CNTNAP2: variants seen among roughly 807,000 people sequenced by gnomAD.
CNTNAP2 encodes contactin-associated protein-like 2.
A neutral mutation model predicts 155.2 loss-of-function variants in CNTNAP2; 98 were observed. The observed-to-expected ratio is 0.63, with a 90% confidence interval of 0.54 to 0.75. CNTNAP2 has a LOEUF of 0.75. CNTNAP2 is among the 30% of genes least tolerant of loss of function. The pLI, the probability that CNTNAP2 is intolerant of heterozygous loss-of-function variation, is 0.00. For synonymous variants in CNTNAP2, 651 were observed against 631.2 expected, an observed-to-expected ratio of 1.03 and a Z score of -0.47; for missense variants, 1,727 against 1,688.1, an observed-to-expected ratio of 1.02 and a Z score of -0.40.
intron 13 of CNTNAP2, among the ~76,000 whole-genome samples, chr7:147,788,909 T>TC (rs1315067775): frequency 7.9e-6 from 1 of 126,430 alleles, no homozygotes; most frequent in African/African-American, 2.7e-5. Context: ...TCTTTTTTTT[T>TC]TTTTTTTTTT....
intron 1 of CNTNAP2, among the ~76,000 whole-genome samples, chr7:146,554,207 T>G (rs1044709136): frequency 2.6e-5 from 4 of 152,120 alleles, no homozygotes; most frequent in African/African-American, 7.2e-5. Flanking sequence ...GGCATATAGC[T>G]CTGCCAGTGC....
At chr7:146,167,508 A>T (rs902670832) in intron 1 of CNTNAP2, among the ~76,000 whole-genome samples, 1 of 152,216 alleles carries the variant, frequency 6.6e-6, no homozygotes, top group Non-Finnish European at 1.5e-5. Flanking sequence ...AGCAGAAAGG[A>T]TGAAGAGGAC....
chr7:147,565,464 C>A (rs937389079), intron 12 of CNTNAP2, among the ~76,000 whole-genome samples: 1 of 152,174 alleles, frequency 6.6e-6, no homozygotes, highest in Non-Finnish European at 1.5e-5. Context: ...ATTCATACAT[C>A]TACCACTTGG....
intron 2 of CNTNAP2, among the ~76,000 whole-genome samples, chr7:146,819,504 G>C (rs951385148): frequency 5.9e-5 from 9 of 151,846 alleles, no homozygotes; most frequent in African/African-American, 2.2e-4. Context: ...CCTCTAAATA[G>C]TTATTAGACA....
intron 1 of CNTNAP2, among the ~76,000 whole-genome samples, chr7:146,385,449 T>C (rs1482993552): frequency 6.6e-6 from 1 of 152,202 alleles, no homozygotes; most frequent in Non-Finnish European, 1.5e-5. Context: ...AAGTGACATA[T>C]ATGAATGTTT....
At chr7:148,132,845 T>G (rs1035961595) in intron 16 of CNTNAP2, among the ~76,000 whole-genome samples, 3 of 152,194 alleles carry the variant, frequency 2.0e-5, no homozygotes, top group Admixed American at 6.5e-5. Context: ...CCACGTGGCT[T>G]CCAGCCACTT....
At chr7:148,305,391 C>A (rs1797473627) in intron 21 of CNTNAP2, among the ~76,000 whole-genome samples, 1 of 152,064 alleles carries the variant, frequency 6.6e-6, no homozygotes. Context: ...CATATTGCAG[C>A]CAATATAAGA....
chr7:147,356,817 G>C (rs1796070924), intron 9 of CNTNAP2, among the ~76,000 whole-genome samples: 1 of 152,090 alleles, frequency 6.6e-6, no homozygotes, highest in Non-Finnish European at 1.5e-5. Flanking sequence ...GAAGGTCGCT[G>C]TATGGCCTCT....
At chr7:147,552,052 C>A (rs1799862928) in intron 11 of CNTNAP2, among the ~76,000 whole-genome samples, 1 of 152,064 alleles carries the variant, frequency 6.6e-6, no homozygotes, top group Admixed American at 6.6e-5. Flanking sequence ...ATTTAAGTGG[C>A]AAATAATCCA....
At chr7:147,553,725 C>T (rs931597063) in intron 11 of CNTNAP2, among the ~76,000 whole-genome samples, 1 of 152,016 alleles carries the variant, frequency 6.6e-6, no homozygotes, top group Admixed American at 6.6e-5. Flanking sequence ...TGGTGGTTTG[C>T]GCCTGTAATC....
chr7:147,043,151 A>G (rs1386893885), intron 3 of CNTNAP2, among the ~76,000 whole-genome samples: 1 of 152,116 alleles, frequency 6.6e-6, no homozygotes. Flanking sequence ...ACATCCTTGA[A>G]TATCCCATAT....
chr7:147,978,332 G>A (rs1801466116), intron 15 of CNTNAP2: 2 of 344,402 alleles, frequency 5.8e-6, no homozygotes, highest in Non-Finnish European at 1.1e-5. Flanking sequence ...ATGCCATTAG[G>A]ATGACTATTT....
At chr7:147,547,541 A>T (rs765977208) in intron 11 of CNTNAP2, among the ~76,000 whole-genome samples, 1 of 150,772 alleles carries the variant, frequency 6.6e-6, no homozygotes, top group Non-Finnish European at 1.5e-5. Flanking sequence ...AACAGTAGTA[A>T]CTCCTTTCTT....
intron 2 of CNTNAP2, among the ~76,000 whole-genome samples, chr7:146,834,701 A>G (rs946685638): frequency 6.6e-6 from 1 of 152,200 alleles, no homozygotes; most frequent in Non-Finnish European, 1.5e-5. Context: ...TGTTCTTCTT[A>G]GGAACTAAGA....
At chr7:146,352,750 G>GTTGTTTTTTTTTT (rs1554421455) in intron 1 of CNTNAP2, among the ~76,000 whole-genome samples, 4 of 64,312 alleles carry the variant, frequency 6.2e-5, no homozygotes, top group African/African-American at 2.6e-4. Flanking sequence ...GCATAATTCT[G>GTTGTTTTTTTTTT]TTTTTTTTTT....
At chr7:147,712,008 T>G (rs1021599783) in intron 13 of CNTNAP2, among the ~76,000 whole-genome samples, 3 of 152,182 alleles carry the variant, frequency 2.0e-5, no homozygotes, top group African/African-American at 7.2e-5. Context: ...TCTGGCTCTA[T>G]CCTCTTTCTC....
chr7:147,655,593 T>A (rs183810145), intron 13 of CNTNAP2, among the ~76,000 whole-genome samples: 1 of 152,196 alleles, frequency 6.6e-6, no homozygotes, highest in African/African-American at 2.4e-5. Flanking sequence ...AAAGGAATAT[T>A]TATTATTTTT....
intron 3 of CNTNAP2, among the ~76,000 whole-genome samples, chr7:146,936,737 G>A (rs1796923642): frequency 6.6e-6 from 1 of 152,172 alleles, no homozygotes; most frequent in Admixed American, 6.5e-5. Context: ...AGACTGCTGA[G>A]TGTTTAAACT....
chr7:147,325,286 C>G (rs1314373873), intron 9 of CNTNAP2, among the ~76,000 whole-genome samples: 1 of 152,094 alleles, frequency 6.6e-6, no homozygotes, highest in African/African-American at 2.4e-5. Context: ...GGATGGGAGA[C>G]AGGGCAAGAC....
Sources: allele counts gnomAD v4.1 joint callset (sites outside exome capture counted in the v4.1 genomes callset), GRCh38; gene constraint gnomAD v4.1.1; transcripts MANE v1.5; gene names NCBI Gene and HGNC (gene_info 2026-07-23, HGNC 2026-07-21).